The following ARHGEF33 variants were observed in gnomAD, a reference collection of about 807,000 sequenced individuals.
ARHGEF33 encodes Rho guanine nucleotide exchange factor 33.
A neutral mutation model predicts 101.9 loss-of-function variants in ARHGEF33; 72 were observed. The ratio of observed to expected loss-of-function variants is 0.71; its 90% CI spans 0.58 to 0.86. The LOEUF is 0.86. Ranked by LOEUF, ARHGEF33 falls within the 40% of genes least tolerant of loss-of-function variation. The pLI is 0.00. For missense variants in ARHGEF33, 1,169 were observed against 1,111.3 expected (o/e 1.05, Z -0.74); for synonymous variants, 499 against 442.5 (o/e 1.13, Z -1.60).
chr2:38,917,102 C>CTTTTTTTTTT lies in ARHGEF33; in HGVS notation c.-85-2254_-85-2253insTTTTTTTTTT, dbSNP rs371044814. Among the ~76,000 whole-genome samples, 26 of 129,324 alleles carry CTTTTTTTTTT rather than the reference C, an allele frequency of 2.0e-4. 1 individual carries two copies. The highest frequency in any genetic ancestry group is 7.7e-4 in the African/African-American group (26 of 33,752). The allele number at this position is 129,324 out of a possible 152,430, so 84.8% of individuals were successfully genotyped here. ...GGTGTGAGCCACTGCAACCGGTCTT[C>CTTTTTTTTTT]TTTTTTTGAGACGGAGTCTCACTAC... On this transcript the variant is annotated intron_variant, in intron 2 of 17. Coordinates refer to ENST00000409978, the MANE Select transcript of ARHGEF33 (RefSeq NM_001145451.5).
intron 17 of ARHGEF33, among the ~76,000 whole-genome samples, chr2:38,967,672 T>C (rs1487761173): frequency 1.3e-5 from 2 of 151,982 alleles, no homozygotes; most frequent in Admixed American, 1.3e-4. Context: ...GCCTCCCAGG[T>C]TCAGGCTATT....
intron 2 of ARHGEF33, among the ~76,000 whole-genome samples, chr2:38,918,104 A>T (rs1666675096): frequency 6.6e-6 from 1 of 152,186 alleles, no homozygotes; most frequent in Non-Finnish European, 1.5e-5. Context: ...AGCTCATGGA[A>T]TTGCTGGGAG....
At chr2:38,958,322 C>T (rs1453621501) in intron 15 of ARHGEF33, 124 bp downstream of exon 15, 10 of 1,221,628 alleles carry the variant, frequency 8.2e-6, no homozygotes, top group Non-Finnish European at 1.1e-5. Context: ...TATGTGCCAA[C>T]CAAGCAGCCA....
Position 38,936,188 on chromosome 2 carries a change from C to G in ARHGEF33, c.565+354C>G, listed in dbSNP as rs576100232. Among the ~76,000 whole-genome samples, 5 of 152,252 alleles carry G rather than the reference C, an allele frequency of 3.3e-5. No homozygotes were observed. The East Asian group carries it at 9.6e-4, about 29-fold the overall frequency. ...TATAGTTTAATTCAAAAGTTACCTA[C>G]TTTTACATCTGTGTAGTGCAGGTAA... On this transcript the variant is annotated intron_variant, in intron 8 of 17. Transcript: ENST00000409978.
intron 15 of ARHGEF33, among the ~76,000 whole-genome samples, chr2:38,958,582 C>T (rs1667833633): frequency 6.6e-6 from 1 of 152,186 alleles, no homozygotes; most frequent in Non-Finnish European, 1.5e-5. Context: ...ATCTTTCTTC[C>T]AAGTTAAAAG....
chr2:38,965,625 A>G (rs886520445), intron 16 of ARHGEF33, among the ~76,000 whole-genome samples: 5 of 152,216 alleles, frequency 3.3e-5, no homozygotes, highest in African/African-American at 1.2e-4. Flanking sequence ...GGGGACTGCT[A>G]CTGGTTTTCT....
At chr2:38,896,205 C>T (rs1666119295) in intron 2 of ARHGEF33, among the ~76,000 whole-genome samples, 1 of 152,148 alleles carries the variant, frequency 6.6e-6, no homozygotes, top group Non-Finnish European at 1.5e-5. Context: ...GTGGTGTGAT[C>T]TTAGGTCACT....
chr2:38,960,509 G>A lies in ARHGEF33; in HGVS notation c.2204G>A (p.Arg735His). Residue 735 changes from arginine (R) to histidine (H), a missense_variant, in exon 16 of 18, where the codon CGC (arginine) becomes CAC (histidine). Physicochemically the swap from Arg to His is conservative, Grantham distance 29. Transcript: ENST00000409978. ...AGCACGCGCAGCAGCAGCGGCGGCC[G>A]CGCGCCCATCAAGGCCGAGCGCGCC... ...LYSTRSSSGG[R>H]APIKAERAAQ... is the part of the protein sequence containing the mutation. 1.6e-5 allele frequency: 22 copies of A among 1,345,844 alleles called. No individual in the cohort carries two copies. Among genetic ancestry groups the A allele is most frequent in the Non-Finnish European group, 2.1e-5 (22 of 1,047,392 alleles). The allele number at this position is 1,345,844 out of a possible 1,614,324, so 83.4% of individuals were successfully genotyped here.
In ARHGEF33 at chr2:38,937,326, C is replaced by A. The variant is rs776287431; in HGVS notation, c.566-9C>A. On this transcript the variant is annotated splice_polypyrimidine_tract_variant and intron_variant, in intron 8 of 17. Coordinates refer to ENST00000409978, the MANE Select transcript of ARHGEF33 (RefSeq NM_001145451.5). ...CTTTGTTTCCCCGCCCCTCCCCCCA[C>A]CCCACCAGGAGTGAACCCAACAACT... 4.1e-5 allele frequency: 17 copies of A among 411,504 alleles called. No individual in the cohort carries two copies. The highest frequency in any genetic ancestry group is 7.0e-5 in the Non-Finnish European group (16 of 228,100). 25.5% of individuals were successfully genotyped at this position (411,504 alleles called of 1,614,324 possible).
intron 2 of ARHGEF33, among the ~76,000 whole-genome samples, chr2:38,896,424 C>T (rs1156970502): frequency 6.6e-6 from 1 of 152,202 alleles, no homozygotes; most frequent in African/African-American, 2.4e-5. Flanking sequence ...AGGTGTGAGC[C>T]ACTGCGCTCA....
chr2:38,941,414 T>G (rs1357495994), intron 9 of ARHGEF33, among the ~76,000 whole-genome samples: 1 of 152,240 alleles, frequency 6.6e-6, no homozygotes, highest in Non-Finnish European at 1.5e-5. Context: ...GATTAATAAT[T>G]TGGCCAAATA....
intron 17 of ARHGEF33, among the ~76,000 whole-genome samples, chr2:38,969,210 C>T (rs1668116814): frequency 6.6e-6 from 1 of 152,156 alleles, no homozygotes; most frequent in African/African-American, 2.4e-5. Flanking sequence ...GGAGGTCAGG[C>T]TGGCAGCAAG....
chr2:38,922,786 G>A (rs973020203), intron 4 of ARHGEF33, among the ~76,000 whole-genome samples: 1 of 152,202 alleles, frequency 6.6e-6, no homozygotes, highest in Non-Finnish European at 1.5e-5. Context: ...CTGTGGGGAA[G>A]GGATGAATTA....
At chr2:38,892,545 T>C (rs1280174427) in intron 1 of ARHGEF33, among the ~76,000 whole-genome samples, 2 of 152,184 alleles carry the variant, frequency 1.3e-5, no homozygotes, top group Non-Finnish European at 2.9e-5. Flanking sequence ...TAAAATGTGC[T>C]TTCCCCATCT....
At chr2:38,895,115 G>C (rs184265737) in intron 1 of ARHGEF33, among the ~76,000 whole-genome samples, 1 of 152,054 alleles carries the variant, frequency 6.6e-6, no homozygotes, top group African/African-American at 2.4e-5. Context: ...TCCAGGCTTC[G>C]TGTCCCTGAA....
chr2:38,964,255 G>A (rs889352134), intron 16 of ARHGEF33, among the ~76,000 whole-genome samples: 8 of 152,196 alleles, frequency 5.3e-5, no homozygotes, highest in East Asian at 1.9e-4. Flanking sequence ...AATCCAGAAC[G>A]TATGGAGATT....
chr2:38,895,585 A>AT (rs1666102589), intron 1 of ARHGEF33, among the ~76,000 whole-genome samples, 192 bp from the exon 2 acceptor site: 1 of 152,194 alleles, frequency 6.6e-6, no homozygotes, highest in Non-Finnish European at 1.5e-5. Context: ...TGACTTAAAA[A>AT]TTAAAAGACT....
At chr2:38,910,764 C>T (rs570327462) in intron 2 of ARHGEF33, among the ~76,000 whole-genome samples, 1 of 152,154 alleles carries the variant, frequency 6.6e-6, no homozygotes, top group Non-Finnish European at 1.5e-5. Flanking sequence ...TTGTATCAGT[C>T]CATTCAACCA....
chr2:38,890,830 G>C (rs1275627457), intron 1 of ARHGEF33, among the ~76,000 whole-genome samples: 1 of 152,036 alleles, frequency 6.6e-6, no homozygotes, highest in African/African-American at 2.4e-5. Context: ...AAAAGTTTTT[G>C]ATGCACATTT....
Sources: allele counts gnomAD v4.1 joint callset (sites outside exome capture counted in the v4.1 genomes callset), GRCh38; gene constraint gnomAD v4.1.1; transcripts MANE v1.5; gene names NCBI Gene and HGNC (gene_info 2026-07-23, HGNC 2026-07-21).